FBXL7: variants seen among roughly 807,000 people sequenced by gnomAD.
FBXL7 encodes the protein F-box/LRR-repeat protein 7.
A neutral mutation model predicts 38.3 loss-of-function variants in FBXL7; 12 were observed. The observed-to-expected ratio is 0.31, with a 90% CI of 0.20 to 0.51. FBXL7 has a LOEUF of 0.51. Ranked by LOEUF, FBXL7 falls within the 20% of genes least tolerant of loss-of-function variation. FBXL7 has a pLI of 0.98. For missense variants in FBXL7, 567 were observed against 676.4 expected (o/e 0.84, Z 1.79); for synonymous variants, 297 against 300.9 (o/e 0.99, Z 0.13).
intron 2 of FBXL7, among the ~76,000 whole-genome samples, chr5:15,883,003 CTG>C (rs1266651718): frequency 2.0e-5 from 3 of 152,012 alleles, no homozygotes; most frequent in African/African-American, 7.2e-5. Flanking sequence ...CCAGCTTGCT[CTG>C]TCTTAGCCTC....
chr5:15,567,287 C>T (rs545990216), intron 1 of FBXL7, among the ~76,000 whole-genome samples: 37 of 152,212 alleles, frequency 2.4e-4, no homozygotes, highest in African/African-American at 8.9e-4. Flanking sequence ...CAATCCTATG[C>T]TATGATTTTA....
At chr5:15,730,459 C>T (rs557559628) in intron 2 of FBXL7, among the ~76,000 whole-genome samples, 1 of 152,022 alleles carries the variant, frequency 6.6e-6, no homozygotes, top group African/African-American at 2.4e-5. Flanking sequence ...AAAAAAATTC[C>T]TTCAAGGTCC....
At chr5:15,556,260 A>G (rs1176932032) in intron 1 of FBXL7, among the ~76,000 whole-genome samples, 4 of 152,172 alleles carry the variant, frequency 2.6e-5, no homozygotes, top group Admixed American at 2.0e-4. Context: ...CCTGAGAACC[A>G]GGAGTCCTAA....
intron 1 of FBXL7, among the ~76,000 whole-genome samples, chr5:15,607,917 TAAAG>T (rs1740084260): frequency 6.6e-6 from 1 of 152,232 alleles, no homozygotes; most frequent in African/African-American, 2.4e-5. Context: ...GCGAGGAAAT[TAAAG>T]AAGGCACAAA....
At chr5:15,699,481 C>T (rs75167776) in intron 2 of FBXL7, among the ~76,000 whole-genome samples, 3,420 of 152,140 alleles carry the variant, frequency 0.022, 81 homozygotes, top group South Asian at 0.071. Context: ...TGAGAGAACC[C>T]GTCGTATTGG....
chr5:15,831,582 T>C (rs563793557), intron 2 of FBXL7, among the ~76,000 whole-genome samples: 17 of 152,292 alleles, frequency 1.1e-4, no homozygotes, highest in East Asian at 1.9e-4. Flanking sequence ...AGAACTCTTA[T>C]AAAAGCTTTA....
chr5:15,591,279 G>A (rs1490306079), intron 1 of FBXL7, among the ~76,000 whole-genome samples: 1 of 151,684 alleles, frequency 6.6e-6, no homozygotes, highest in Admixed American at 6.6e-5. Flanking sequence ...AATACAAAAA[G>A]TTAGCTGGGC....
At chr5:15,931,578 A>C (rs1236947916) in intron 3 of FBXL7, among the ~76,000 whole-genome samples, 1 of 152,170 alleles carries the variant, frequency 6.6e-6, no homozygotes, top group Admixed American at 6.5e-5. Flanking sequence ...ACTTTCCTGC[A>C]TGAAACCTCC....
chr5:15,833,424 G>A (rs1579503740), intron 2 of FBXL7, among the ~76,000 whole-genome samples: 1 of 152,326 alleles, frequency 6.6e-6, no homozygotes, highest in African/African-American at 2.4e-5. Flanking sequence ...ACCGATTAGT[G>A]ATGGTATTAG....
intron 2 of FBXL7, among the ~76,000 whole-genome samples, chr5:15,879,134 G>A (rs1044508433): frequency 6.6e-6 from 1 of 152,150 alleles, no homozygotes; most frequent in Non-Finnish European, 1.5e-5. Flanking sequence ...ACTTCTAGAA[G>A]TTCATCTTTT....
At chr5:15,934,521 A>AT (rs1045321523) in intron 3 of FBXL7, among the ~76,000 whole-genome samples, 3 of 152,044 alleles carry the variant, frequency 2.0e-5, no homozygotes, top group Non-Finnish European at 4.4e-5. Context: ...ATGCATACAT[A>AT]TTTTTTAGGA....
intron 2 of FBXL7, among the ~76,000 whole-genome samples, chr5:15,704,151 A>G (rs1420985016): frequency 6.6e-6 from 1 of 152,222 alleles, no homozygotes. Flanking sequence ...AAGTTGAGAA[A>G]GACAGCAGCT....
chr5:15,548,562 A>G (rs927716245), intron 1 of FBXL7, among the ~76,000 whole-genome samples: 2 of 152,148 alleles, frequency 1.3e-5, no homozygotes, highest in East Asian at 3.9e-4. Context: ...CAAAAATGGT[A>G]CCTTGTTTGT....
At chr5:15,636,532 A>G (rs1741192616) in intron 2 of FBXL7, among the ~76,000 whole-genome samples, 1 of 152,248 alleles carries the variant, frequency 6.6e-6, no homozygotes, top group Non-Finnish European at 1.5e-5. Flanking sequence ...TCCTAGTCAC[A>G]GTAACAGCCA....
intron 1 of FBXL7, among the ~76,000 whole-genome samples, chr5:15,581,254 T>C (rs1311665191): frequency 1.3e-5 from 2 of 152,120 alleles, no homozygotes; most frequent in Non-Finnish European, 2.9e-5. Context: ...TATTATGTCA[T>C]TAAAAAAAAT....
At chr5:15,554,378 C>T (rs1346641932) in intron 1 of FBXL7, among the ~76,000 whole-genome samples, 4 of 152,118 alleles carry the variant, frequency 2.6e-5, no homozygotes, top group South Asian at 2.1e-4. Flanking sequence ...ACTTGTGCTT[C>T]GATTTAGAAC....
intron 1 of FBXL7, among the ~76,000 whole-genome samples, chr5:15,590,121 G>A (rs1372849392): frequency 6.6e-6 from 1 of 152,126 alleles, no homozygotes; most frequent in East Asian, 1.9e-4. Flanking sequence ...AGGGAAGTGG[G>A]AGAGAGAAGA....
In FBXL7 at chr5:15,671,789, G is replaced by A. The variant is rs777121088; in HGVS notation, c.127+55717G>A. On this transcript the variant is annotated intron_variant, in intron 2 of 3. Transcript: ENST00000504595. ...TGAAACCAAACAATTAGATGATTTC[G>A]TTCATTTAAGAATGTCAAGATCCAA... 4.6e-5 allele frequency among the ~76,000 whole-genome samples: 7 copies of A among 152,122 alleles called. No homozygotes were observed. The East Asian group carries it at 7.7e-4, about 17-fold the overall frequency.
intron 2 of FBXL7, among the ~76,000 whole-genome samples, chr5:15,759,648 A>G (rs1237481604): frequency 1.3e-5 from 2 of 152,226 alleles, no homozygotes; most frequent in Non-Finnish European, 2.9e-5. Flanking sequence ...TGAGATGTTT[A>G]TATTGTTCTC....
Sources: gnomAD v4.1 joint callset for allele counts (sites outside exome capture counted in the v4.1 genomes callset) on GRCh38, gnomAD v4.1.1 for gene constraint, MANE v1.5 for transcripts, NCBI Gene and HGNC (gene_info 2026-07-23, HGNC 2026-07-21) for gene names.